Variants in CRTC1 observed in about 807,000 individuals in gnomAD.
The protein encoded by CRTC1 is CREB-regulated transcription coactivator 1.
A neutral mutation model predicts 66.1 loss-of-function variants in CRTC1; 18 were observed. That is an observed-to-expected ratio of 0.27 (90% CI 0.19 to 0.40). The LOEUF (loss-of-function observed/expected upper bound fraction) is 0.40, where lower values mean the gene tolerates loss of function less well. Ranked by LOEUF, CRTC1 falls within the 10% of genes least tolerant of loss-of-function variation. The probability of loss-of-function intolerance (pLI) is 1.00; values close to 1 mark genes in which losing one functional copy is unlikely to be tolerated. For missense variants in CRTC1, 669 were observed against 887.9 expected, an observed-to-expected ratio of 0.75 and a Z score of 3.13; for synonymous variants, 416 against 398.8, an observed-to-expected ratio of 1.04 and a Z score of -0.51.
At chr19:18,750,717 A>AGAG (rs903644348) in intron 5 of CRTC1, among the ~76,000 whole-genome samples, 8 of 152,166 alleles carry the variant, frequency 5.3e-5, no homozygotes, top group African/African-American at 1.9e-4. Flanking sequence ...AGGAGGAGGA[A>AGAG]GAGGAGGAGG....
chr19:18,748,374 ATTTT>A (rs777077338), intron 4 of CRTC1, among the ~76,000 whole-genome samples: 223 of 75,378 alleles, frequency 3.0e-3, no homozygotes, highest in African/African-American at 0.011. Flanking sequence ...CTTCCAGCTG[ATTTT>A]TTTTTTTTTT....
rs1171433674 is a variant in CRTC1 at position 18,774,905 on chromosome 19, T to C, written c.1431T>C (p.Thr477=). Residue 477 remains threonine, a synonymous_variant, in exon 12 of 14, where the codon ACT becomes ACC. Coordinates refer to ENST00000321949, the MANE Select transcript of CRTC1 (RefSeq NM_015321.3). ...GFSPGSSPQH[T]STLGSVFGDA... ...GGCCTCTCTTCTGTCTGCAGCACACTTCCACCCTGGGCAGCGTGTTTGGGG... is the reference window on the plus strand; with the variant it reads ...GGCCTCTCTTCTGTCTGCAGCACACCTCCACCCTGGGCAGCGTGTTTGGGG... 3.1e-6 allele frequency: 5 copies of C among 1,610,910 alleles called. No individual in the cohort carries two copies. The highest frequency in any genetic ancestry group is 4.2e-6 in the Non-Finnish European group (5 of 1,179,950).
chr19:18,738,328 A>T (rs1332791108), intron 1 of CRTC1, among the ~76,000 whole-genome samples: 1 of 152,174 alleles, frequency 6.6e-6, no homozygotes, highest in East Asian at 1.9e-4. Flanking sequence ...AAATAAATAA[A>T]TGAATAAATA....
At position 18,771,386 on chromosome 19, in the gene CRTC1, T is replaced by C; in HGVS notation, c.1321-56T>C. 6.8e-7 allele frequency: 1 copy of C among 1,477,640 alleles called. No individual in the cohort carries two copies. The highest frequency in any genetic ancestry group is 9.2e-7 in the Non-Finnish European group (1 of 1,083,670). 91.5% of individuals were successfully genotyped at this position (1,477,640 alleles called of 1,614,324 possible). A position where few individuals can be genotyped will look rare whatever the true frequency, so the allele number is the denominator to read the frequency against. Reference sequence around the variant, plus strand: ...CAGGCTGCTCCCGGGAAGCAGGGACTGGAGCCCGGGCTTGGGCAGCTGGGC... The same window carrying C: ...CAGGCTGCTCCCGGGAAGCAGGGACCGGAGCCCGGGCTTGGGCAGCTGGGC... On this transcript the variant is annotated intron_variant, in intron 10 of 13. Transcript: ENST00000321949. The surrounding 1 kb of genome is among the most constrained non-coding windows in gnomAD (Gnocchi z 4.6).
At chr19:18,695,264 CA>C (rs2052957544) in intron 1 of CRTC1, among the ~76,000 whole-genome samples, 1 of 152,076 alleles carries the variant, frequency 6.6e-6, no homozygotes, top group African/African-American at 2.4e-5. Context: ...CTTCGCCTCT[CA>C]AAGTGCTGGG....
In CRTC1 at chr19:18,747,134, C is replaced by A; in HGVS notation, c.443+20C>A. On this transcript the variant is annotated intron_variant, in intron 4 of 13. Coordinates refer to ENST00000321949, the MANE Select transcript of CRTC1 (RefSeq NM_015321.3). ...GAGAAGGTCAGTGGCTGGACACCCC[C>A]CCCCCGCCCCCTTCTTGTTGGAAAC... 2.4e-6 allele frequency: 2 copies of A among 835,316 alleles called. No homozygotes were observed. The highest frequency in any genetic ancestry group is 4.1e-5 in the East Asian group (1 of 24,636). 51.7% of individuals were successfully genotyped at this position (835,316 alleles called of 1,614,324 possible). A position where few individuals can be genotyped will look rare whatever the true frequency, so the allele number is the denominator to read the frequency against.
At chr19:18,753,834 T>C (rs1362714924) in intron 6 of CRTC1, among the ~76,000 whole-genome samples, 15 of 152,022 alleles carry the variant, frequency 9.9e-5, no homozygotes, top group Admixed American at 9.8e-4. Flanking sequence ...GTGCGGTGGC[T>C]CACACCTGTA....
At position 18,696,099 on chromosome 19, in the gene CRTC1, C is replaced by T. The variant is rs575766112; in HGVS notation, c.126+12271C>T. On this transcript the variant is annotated intron_variant, in intron 1 of 13. Coordinates refer to ENST00000321949, the MANE Select transcript of CRTC1 (RefSeq NM_015321.3). The stretch of plus-strand genomic sequence containing the variant: ...CTCTGGGCAGCTGGTGGCGTCCTCC[C>T]GGGTTTACAGAGTGGGAGACAGGCC... Among the ~76,000 whole-genome samples the T allele has an allele frequency of 5.1e-3, 775 of 152,248 alleles. 7 individuals are homozygous for T. The highest frequency in any genetic ancestry group is 0.011 in the Admixed American group (166 of 15,278).
In CRTC1 at chr19:18,691,605, G is replaced by C. The variant is rs191488988; in HGVS notation, c.126+7777G>C. ...CATGTGACAATGGAGGCAGAGATTGGAGCGATGTGGTCACAAGTCAAGGAA... is the reference window on the plus strand; with the variant it reads ...CATGTGACAATGGAGGCAGAGATTGCAGCGATGTGGTCACAAGTCAAGGAA... On this transcript the variant is annotated intron_variant, in intron 1 of 13. Coordinates refer to ENST00000321949, the MANE Select transcript of CRTC1 (RefSeq NM_015321.3). Among the ~76,000 whole-genome samples the C allele has an allele frequency of 5.9e-5, 9 of 151,934 alleles. No individual in the cohort carries two copies. The East Asian group carries it at 1.7e-3, about 29-fold the overall frequency.
intron 9 of CRTC1, among the ~76,000 whole-genome samples, chr19:18,766,287 A>ATTTT (rs1020411277): frequency 3.6e-5 from 4 of 109,688 alleles, no homozygotes; most frequent in Non-Finnish European, 5.5e-5. Context: ...TGCCTGGCTA[A>ATTTT]TTTTTTTTTT....
At chr19:18,734,925 G>A (rs1473394850) in intron 1 of CRTC1, among the ~76,000 whole-genome samples, 1 of 152,186 alleles carries the variant, frequency 6.6e-6, no homozygotes, top group Non-Finnish European at 1.5e-5. Context: ...TGTACCCTGC[G>A]GCCATTACCC....
chr19:18,771,010 ATG>A lies in CRTC1; in HGVS notation c.1321-427_1321-426del, dbSNP rs2054854036. Among the ~76,000 whole-genome samples, 3 of 149,020 alleles carry A rather than the reference ATG, an allele frequency of 2.0e-5. No homozygotes were observed. The highest frequency in any genetic ancestry group is 2.0e-4 in the East Asian group (1 of 5,008). On this transcript the variant is annotated intron_variant, in intron 10 of 13. Coordinates refer to ENST00000321949, the MANE Select transcript of CRTC1 (RefSeq NM_015321.3). This position sits in a 1 kb window ranked among gnomAD's most constrained non-coding sequence, Gnocchi z 4.6. ...TGTGCATGCATGGGCATGTACATTC[ATG>A]TGTGGATATGTGCACATGTGTGGGT...
chr19:18,711,860 A>G (rs1031779555), intron 1 of CRTC1, among the ~76,000 whole-genome samples: 1 of 151,910 alleles, frequency 6.6e-6, no homozygotes, highest in South Asian at 2.1e-4. Context: ...CCCTCCACCC[A>G]CCCCCACACT....
chr19:18,777,662 C>G lies in CRTC1; in HGVS notation c.*280C>G. 2.2e-6 allele frequency: 1 copy of G among 453,308 alleles called. No homozygotes were observed. The highest frequency in any genetic ancestry group is 3.9e-6 in the Non-Finnish European group (1 of 253,416). 28.1% of individuals were successfully genotyped at this position (453,308 alleles called of 1,614,324 possible). A position where few individuals can be genotyped will look rare whatever the true frequency, so the allele number is the denominator to read the frequency against. On this transcript the variant is annotated 3_prime_UTR_variant, in exon 14 of 14. Coordinates refer to ENST00000321949, the MANE Select transcript of CRTC1 (RefSeq NM_015321.3). The surrounding 1 kb of genome is among the most constrained non-coding windows in gnomAD (Gnocchi z 5.5). ...CAGACCCTCCCTGCACTGGCTCCCT[C>G]GCCCCCAGCCCCGGGGCCTGAGCCG...
intron 1 of CRTC1, among the ~76,000 whole-genome samples, chr19:18,738,656 T>G (rs2054049234): frequency 6.6e-6 from 1 of 152,110 alleles, no homozygotes; most frequent in African/African-American, 2.4e-5. Context: ...ACAAAAATTG[T>G]CTGAGTGTGG....
intron 1 of CRTC1, among the ~76,000 whole-genome samples, chr19:18,695,229 A>G: frequency 6.6e-6 from 1 of 150,462 alleles, no homozygotes; most frequent in Non-Finnish European, 1.5e-5. Flanking sequence ...CCGGTCTCGA[A>G]CTCCTGGTCT....
chr19:18,751,718 C>T lies in CRTC1; in HGVS notation c.539-1782C>T, dbSNP rs528845292. Among the ~76,000 whole-genome samples, 115 of 152,232 alleles carry T rather than the reference C, an allele frequency of 7.6e-4. 1 individual carries two copies. The highest frequency in any genetic ancestry group is 2.7e-3 in the African/African-American group (114 of 41,534). On this transcript the variant is annotated intron_variant, in intron 5 of 13. Coordinates refer to ENST00000321949, the MANE Select transcript of CRTC1 (RefSeq NM_015321.3). The stretch of plus-strand genomic sequence containing the variant: ...GGCTGACTCACGGGGCCGCTGCTGC[C>T]ATGAGTGCACTGGTCCCACCTCCAT...
At chr19:18,738,439 A>T (rs1463845972) in intron 1 of CRTC1, among the ~76,000 whole-genome samples, 1 of 152,182 alleles carries the variant, frequency 6.6e-6, no homozygotes, top group Non-Finnish European at 1.5e-5. Flanking sequence ...GGTCAACTGT[A>T]GTTGGAAATA....
rs2055092589 is a variant in CRTC1, at chr19:18,781,052, C to G, written c.*3670C>G. On this transcript the variant is annotated 3_prime_UTR_variant, in exon 14 of 14. Transcript: ENST00000321949. The stretch of plus-strand genomic sequence containing the variant: ...GTCCTCTGTCACCTCGCCCTGAAAA[C>G]AGCAGCTCCCATCACCTTCACTGGG... 2 of 227,716 alleles carry G rather than the reference C, an allele frequency of 8.8e-6. No homozygotes were observed. The highest frequency in any genetic ancestry group is 1.1e-4 in the Admixed American group (2 of 17,564). 14.1% of individuals were successfully genotyped at this position (227,716 alleles called of 1,614,324 possible). A position where few individuals can be genotyped will look rare whatever the true frequency, so the allele number is the denominator to read the frequency against.
Sources: gnomAD v4.1 joint callset for allele counts (sites outside exome capture counted in the v4.1 genomes callset) on GRCh38, gnomAD v4.1.1 for gene constraint, Gnocchi (gnomAD v3.1) non-coding constraint, MANE v1.5 for transcripts, NCBI Gene and HGNC (gene_info 2026-07-23, HGNC 2026-07-21) for gene names.